Variants in IFT74 observed in about 807,000 individuals in gnomAD.
IFT74 encodes intraflagellar transport 74.
IFT74 carries 92 observed loss-of-function variants against 96.7 expected under a neutral mutation model. The ratio of observed to expected loss-of-function variants is 0.95; its 90% CI spans 0.80 to 1.13. The LOEUF (loss-of-function observed/expected upper bound fraction) is 1.13. Among genes scored for constraint, IFT74 ranks in the 50% most tolerant of loss-of-function variants. IFT74 has a pLI of 0.00. For missense variants in IFT74, 811 were observed against 698.2 expected (o/e 1.16, Z -1.82); for synonymous variants, 223 against 213.2 (o/e 1.05, Z -0.40).
In IFT74 at chr9:27,014,222, T is replaced by TA. The variant is rs917852034; in HGVS notation, c.789+2263dup. ...GGAGCAAGATTCTGTCTAAAAAAAGTAAAAAAAAAGCAGGTAGTTTTCTGT... is the reference window on the plus strand; with the variant it reads ...GGAGCAAGATTCTGTCTAAAAAAAGTAAAAAAAAAAGCAGGTAGTTTTCTGT... On this transcript the variant is annotated intron_variant, in intron 10 of 19. Coordinates refer to ENST00000380062, the MANE Select transcript of IFT74 (RefSeq NM_025103.4). Among the ~76,000 whole-genome samples, 23 of 150,924 alleles carry TA rather than the reference T, an allele frequency of 1.5e-4. No homozygotes were observed. The Middle Eastern group carries it at 0.01, about 67-fold the overall frequency.
chr9:26,972,627 T>G (rs1826927929), intron 2 of IFT74, among the ~76,000 whole-genome samples: 1 of 152,150 alleles, frequency 6.6e-6, no homozygotes, highest in South Asian at 2.1e-4. Context: ...ACTGGGTAAG[T>G]TTTTCATACA....
chr9:27,031,046 TATTTACAGGCATGATC>T (rs1830097205), intron 13 of IFT74, among the ~76,000 whole-genome samples: 1 of 152,204 alleles, frequency 6.6e-6, no homozygotes, highest in Non-Finnish European at 1.5e-5. Context: ...GTGCAGTGAC[TATTTACAGGCATGATC>T]ATAGCTTACT....
chr9:27,024,441 G>A (rs1210064995), intron 12 of IFT74, among the ~76,000 whole-genome samples: 2 of 152,170 alleles, frequency 1.3e-5, no homozygotes, highest in African/African-American at 2.4e-5. Context: ...TGGCTCTCAG[G>A]AAGCCCCATC....
intron 6 of IFT74, among the ~76,000 whole-genome samples, chr9:26,987,465 A>G (rs918395773): frequency 1.3e-5 from 2 of 152,186 alleles, no homozygotes; most frequent in Admixed American, 1.3e-4. Context: ...CAAATTAGGC[A>G]TATTCATATA....
intron 13 of IFT74, among the ~76,000 whole-genome samples, chr9:27,039,891 A>G (rs1485097025): frequency 6.6e-6 from 1 of 152,196 alleles, no homozygotes; most frequent in African/African-American, 2.4e-5. Context: ...GCTTACTGTA[A>G]TAATGGTATG....
intron 16 of IFT74, among the ~76,000 whole-genome samples, chr9:27,052,920 T>C (rs765997378): frequency 6.6e-6 from 1 of 152,232 alleles, no homozygotes; most frequent in African/African-American, 2.4e-5. Flanking sequence ...TGGAGTGCAG[T>C]GGCGCGATTT....
At chr9:27,001,347 TGTAA>T (rs747367640) in intron 8 of IFT74, among the ~76,000 whole-genome samples, 29 of 152,054 alleles carry the variant, frequency 1.9e-4, no homozygotes, top group Admixed American at 6.6e-5. Context: ...CAAATGTAAA[TGTAA>T]GTGTTATATT....
At chr9:27,044,981 A>G (rs1241422726) in intron 14 of IFT74, among the ~76,000 whole-genome samples, 186 bp downstream of exon 14, 1 of 152,232 alleles carries the variant, frequency 6.6e-6, no homozygotes, top group Non-Finnish European at 1.5e-5. Flanking sequence ...AATTCTAAAA[A>G]GATATGTGAT....
intron 12 of IFT74, among the ~76,000 whole-genome samples, chr9:27,023,294 T>C (rs537545257): frequency 6.6e-5 from 10 of 152,312 alleles, no homozygotes; most frequent in Admixed American, 5.2e-4. Flanking sequence ...TGGCTGTGGG[T>C]TTGTCATAGA....
chr9:26,986,362 C>G (rs540743183), intron 6 of IFT74, among the ~76,000 whole-genome samples: 4 of 151,162 alleles, frequency 2.6e-5, no homozygotes, highest in Non-Finnish European at 4.4e-5. Context: ...GTTGCCCAAG[C>G]TGGAATGCAG....
At chr9:27,032,569 TAA>T (rs201209087) in intron 13 of IFT74, among the ~76,000 whole-genome samples, 1 of 151,132 alleles carries the variant, frequency 6.6e-6, no homozygotes, top group African/African-American at 2.4e-5. Flanking sequence ...CTTTTCAGCT[TAA>T]AAAAAAAGTG....
At chr9:27,032,446 G>A (rs1440747127) in intron 13 of IFT74, among the ~76,000 whole-genome samples, 1 of 152,096 alleles carries the variant, frequency 6.6e-6, no homozygotes, top group African/African-American at 2.4e-5. Context: ...GCACCTTGAA[G>A]GTAGATCATT....
At chr9:27,059,473 C>T (rs892699607) in intron 18 of IFT74, among the ~76,000 whole-genome samples, 1 of 152,178 alleles carries the variant, frequency 6.6e-6, no homozygotes, top group East Asian at 1.9e-4. Context: ...TAGCACTTAA[C>T]AGGTCTGATG....
intron 10 of IFT74, among the ~76,000 whole-genome samples, chr9:27,012,986 G>A (rs1353247378): frequency 6.6e-6 from 1 of 152,058 alleles, no homozygotes; most frequent in East Asian, 1.9e-4. Flanking sequence ...CAAAGTGCTG[G>A]GATTATAGGC....
chr9:26,984,449 T>C, intron 5 of IFT74, 50 bp from the exon 6 acceptor site: 1 of 1,585,616 alleles, frequency 6.3e-7, no homozygotes, highest in South Asian at 1.1e-5. Flanking sequence ...CATTTTCTTA[T>C]GTATATTTTT....
intron 16 of IFT74, among the ~76,000 whole-genome samples, chr9:27,049,780 A>C (rs1199758415): frequency 6.6e-6 from 1 of 152,154 alleles, no homozygotes; most frequent in Admixed American, 6.5e-5. Flanking sequence ...AGTTAAGAAG[A>C]GATGATGTTT....
At chr9:27,007,561 C>G (rs577833400) in intron 8 of IFT74, among the ~76,000 whole-genome samples, 1 of 152,270 alleles carries the variant, frequency 6.6e-6, no homozygotes, top group South Asian at 2.1e-4. Flanking sequence ...AACAGTGAAA[C>G]AAAAATAAAT....
At chr9:26,953,065 G>C (rs1006440711), upstream of IFT74, among the ~76,000 whole-genome samples, 1 of 152,160 alleles carries the variant, frequency 6.6e-6, no homozygotes, top group African/African-American at 2.4e-5. Flanking sequence ...AAGAAAGTTT[G>C]TGTTCACGTT....
chr9:27,046,183 C>G (rs545306359), intron 14 of IFT74, among the ~76,000 whole-genome samples: 78 of 152,208 alleles, frequency 5.1e-4, no homozygotes, highest in Non-Finnish European at 6.9e-4. Context: ...GTGTGATCAA[C>G]AGATTATAGA....
Sources: gnomAD v4.1 joint callset for allele counts (sites outside exome capture counted in the v4.1 genomes callset) on GRCh38, gnomAD v4.1.1 for gene constraint, MANE v1.5 for transcripts, NCBI Gene and HGNC (gene_info 2026-07-23, HGNC 2026-07-21) for gene names.